GRIN2B: variants seen among roughly 807,000 people sequenced by gnomAD.
GRIN2B encodes the protein glutamate ionotropic receptor NMDA type subunit 2B, also known as glutamate receptor ionotropic, NMDA 2B.
In GRIN2B, 5 loss-of-function variants were observed where a neutral mutation model predicts 114.5. The ratio of observed to expected loss-of-function variants is 0.04; its 90% CI spans 0.02 to 0.09. The LOEUF (loss-of-function observed/expected upper bound fraction) is 0.09. GRIN2B is among the 10% of genes least tolerant of loss of function. The pLI is 1.00. For synonymous variants in GRIN2B, 787 were observed against 745.1 expected (o/e 1.06, Z -0.92); for missense variants, 1,108 against 1,943.5 (o/e 0.57, Z 8.08).
chr12:13,956,328 A>T (rs901307470), intron 2 of GRIN2B, among the ~76,000 whole-genome samples: 1 of 152,232 alleles, frequency 6.6e-6, no homozygotes, highest in South Asian at 2.1e-4. Flanking sequence ...TCTGCACGCA[A>T]TAATGAGCCA....
chr12:13,911,366 TGTGGAG>T (rs1203512296), intron 2 of GRIN2B, among the ~76,000 whole-genome samples: 1 of 152,082 alleles, frequency 6.6e-6, no homozygotes, highest in Non-Finnish European at 1.5e-5. Context: ...GGGGCAAGGA[TGTGGAG>T]GTCTGGAGAA....
intron 4 of GRIN2B, among the ~76,000 whole-genome samples, chr12:13,713,724 G>C (rs1287263663): frequency 6.6e-6 from 1 of 151,820 alleles, no homozygotes; most frequent in African/African-American, 2.4e-5. Context: ...AGAAAAGTAC[G>C]TAGAGAGTGG....
chr12:13,951,749 A>C (rs185751620), intron 2 of GRIN2B, among the ~76,000 whole-genome samples: 1 of 152,300 alleles, frequency 6.6e-6, no homozygotes, highest in East Asian at 1.9e-4. Flanking sequence ...GCTTCTCAAG[A>C]GTGGAGACAA....
chr12:13,948,514 CAG>C (rs1392536971), intron 2 of GRIN2B, among the ~76,000 whole-genome samples: 3 of 152,080 alleles, frequency 2.0e-5, no homozygotes, highest in Admixed American at 6.6e-5. Context: ...TCATTTTTGC[CAG>C]AGTCATCCGG....
intron 2 of GRIN2B, among the ~76,000 whole-genome samples, chr12:13,870,606 G>A (rs1865889303): frequency 6.6e-6 from 1 of 152,132 alleles, no homozygotes. Context: ...ACCACAACTG[G>A]AAGAATAAAA....
intron 3 of GRIN2B, among the ~76,000 whole-genome samples, chr12:13,855,661 CCTCTT>C (rs1865648152): frequency 1.3e-5 from 2 of 152,122 alleles, no homozygotes; most frequent in South Asian, 4.1e-4. Context: ...TGTGTCTTCT[CCTCTT>C]CTGTGTCTTA....
At chr12:13,821,212 A>C (rs141265278) in intron 3 of GRIN2B, among the ~76,000 whole-genome samples, 1 of 152,146 alleles carries the variant, frequency 6.6e-6, no homozygotes, top group African/African-American at 2.4e-5. Context: ...AGTATTTTTC[A>C]GGGACCAGCT....
At chr12:13,683,016 A>G (rs1481727358) in intron 4 of GRIN2B, among the ~76,000 whole-genome samples, 1 of 152,146 alleles carries the variant, frequency 6.6e-6, no homozygotes, top group East Asian at 1.9e-4. Context: ...AAGCAATGAG[A>G]ATTTTAAGGA....
intron 8 of GRIN2B, among the ~76,000 whole-genome samples, chr12:13,613,810 G>C (rs1949397413): frequency 6.6e-6 from 1 of 152,004 alleles, no homozygotes; most frequent in South Asian, 2.1e-4. Flanking sequence ...ATAAATGTTG[G>C]CTTCTCTTAT....
chr12:13,634,646 T>C (rs1949651360), intron 5 of GRIN2B, among the ~76,000 whole-genome samples: 1 of 152,184 alleles, frequency 6.6e-6, no homozygotes, highest in African/African-American at 2.4e-5. Flanking sequence ...CACCTCACCA[T>C]AAATGGGAAA....
chr12:13,916,755 G>GTGTGTGTGTGTGTA (rs1370319428), intron 2 of GRIN2B, among the ~76,000 whole-genome samples: 3 of 149,182 alleles, frequency 2.0e-5, no homozygotes, highest in Non-Finnish European at 4.5e-5. Flanking sequence ...GTGTGTGTGT[G>GTGTGTGTGTGTGTA]TGTGTATTTT....
chr12:13,563,591 C>A lies in GRIN2B; in HGVS notation c.3647G>T (p.Arg1216Leu). The A allele has an allele frequency of 6.2e-7, 1 of 1,614,100 alleles. No individual in the cohort carries two copies. Among genetic ancestry groups the A allele is most frequent in the South Asian group, 1.1e-5 (1 of 91,082 alleles). Residue 1216 changes from arginine to leucine, a missense_variant, in exon 14 of 14, where the codon CGC (arginine) becomes CTC (leucine). Coordinates refer to ENST00000609686, the MANE Select transcript of GRIN2B (RefSeq NM_000834.5). The stretch of plus-strand genomic sequence containing the variant: ...GTTGTGCAGCTTGGAGGGACAGCTG[C>A]GGCAGAAGTTGCCCCCGGACCGGTC... ...WEDRSGGNFC[R>L]SCPSKLHNYS... is the part of the protein sequence containing the mutation.
At chr12:13,836,614 G>C (rs1015327145) in intron 3 of GRIN2B, among the ~76,000 whole-genome samples, 26 of 152,220 alleles carry the variant, frequency 1.7e-4, no homozygotes, top group South Asian at 2.1e-4. Context: ...CCTGCAACTA[G>C]TTCTCAATCA....
At chr12:13,603,551 G>T (rs1235850562) in intron 10 of GRIN2B, among the ~76,000 whole-genome samples, 2 of 152,018 alleles carry the variant, frequency 1.3e-5, no homozygotes, top group Non-Finnish European at 2.9e-5. Context: ...TTGGCATGAT[G>T]CCTGGCTTGT....
chr12:13,811,164 G>A (rs1416377130), intron 3 of GRIN2B, among the ~76,000 whole-genome samples: 2 of 152,162 alleles, frequency 1.3e-5, no homozygotes, highest in African/African-American at 4.8e-5. Flanking sequence ...TAAGAAAAAT[G>A]CCAAAATAGA....
At chr12:13,733,301 T>G (rs1311951596) in intron 4 of GRIN2B, among the ~76,000 whole-genome samples, 4 of 151,852 alleles carry the variant, frequency 2.6e-5, no homozygotes, top group South Asian at 2.1e-4. Context: ...TTCAAGTTTT[T>G]TTTTTTTTTT....
intron 4 of GRIN2B, among the ~76,000 whole-genome samples, chr12:13,699,612 G>A (rs1381711650): frequency 6.6e-6 from 1 of 150,872 alleles, no homozygotes; most frequent in Non-Finnish European, 1.5e-5. Flanking sequence ...TTTTTTAGAT[G>A]GAGTCTTGCT....
At chr12:13,746,221 C>T (rs553526815) in intron 4 of GRIN2B, among the ~76,000 whole-genome samples, 51 of 152,226 alleles carry the variant, frequency 3.4e-4, no homozygotes, top group African/African-American at 1.1e-3. Context: ...GGTAACTGCA[C>T]AGCGCTGGGG....
rs537448581 is a variant in GRIN2B, at chr12:13,707,684, G to A, written c.1011-31825C>T. On this transcript the variant is annotated intron_variant, in intron 4 of 13. Transcript: ENST00000609686. ...TGAGATTTTCACTTAGCACCTATTC[G>A]GTACAGGGCTTGAGATAGGTGGAGA... Among the ~76,000 whole-genome samples the A allele has an allele frequency of 7.9e-5, 12 of 151,880 alleles. No homozygotes were observed. The South Asian group carries it at 2.1e-3, about 26-fold the overall frequency.
Sources: allele counts gnomAD v4.1 joint callset (sites outside exome capture counted in the v4.1 genomes callset), GRCh38; gene constraint gnomAD v4.1.1; transcripts MANE v1.5; gene names NCBI Gene and HGNC (gene_info 2026-07-23, HGNC 2026-07-21).